Variants in DCLK1 observed in about 807,000 individuals in gnomAD.
The protein encoded by DCLK1 is serine/threonine-protein kinase DCLK1.
A neutral mutation model predicts 86.2 loss-of-function variants in DCLK1; 16 were observed. The observed-to-expected ratio is 0.19, with a 90% CI of 0.13 to 0.28. DCLK1 has a LOEUF of 0.28. Among genes scored for constraint, DCLK1 ranks in the 10% least tolerant of loss-of-function variants. DCLK1 has a pLI of 1.00. For synonymous variants in DCLK1, 369 were observed against 370.5 expected, an observed-to-expected ratio of 1.00 and a Z score of 0.05; for missense variants, 590 against 940.2, an observed-to-expected ratio of 0.63 and a Z score of 4.87.
chr13:36,047,664 A>T (rs1029082282), intron 3 of DCLK1, among the ~76,000 whole-genome samples: 1 of 151,926 alleles, frequency 6.6e-6, no homozygotes, highest in Non-Finnish European at 1.5e-5. Context: ...GAGAGTAGAA[A>T]GGTGGTTACC....
intron 3 of DCLK1, among the ~76,000 whole-genome samples, chr13:36,036,505 C>G (rs1882504021): frequency 6.6e-6 from 1 of 152,128 alleles, no homozygotes; most frequent in Admixed American, 6.6e-5. Context: ...GAATAAATAC[C>G]TTGATGTTCT....
intron 16 of DCLK1, among the ~76,000 whole-genome samples, chr13:35,789,322 G>T (rs1015191272): frequency 6.6e-6 from 1 of 152,180 alleles, no homozygotes; most frequent in Non-Finnish European, 1.5e-5. Context: ...AAAACTGCTT[G>T]GAGGATTTTG....
At chr13:36,077,873 C>T (rs1884266591) in intron 3 of DCLK1, among the ~76,000 whole-genome samples, 1 of 152,170 alleles carries the variant, frequency 6.6e-6, no homozygotes, top group African/African-American at 2.4e-5. Flanking sequence ...GGAGAATGTG[C>T]AATGTCATGA....
chr13:36,085,030 T>C lies in DCLK1; in HGVS notation c.723+26839A>G, dbSNP rs923499387. 3.3e-5 allele frequency among the ~76,000 whole-genome samples: 5 copies of C among 152,324 alleles called. No homozygotes were observed. The South Asian group carries it at 8.3e-4, about 25-fold the overall frequency. ...CCAAAGATAGATTACTAATAACAGATGTTTTAAGTATCCACTTTAGAAAAT... is the reference window on the plus strand; with the variant it reads ...CCAAAGATAGATTACTAATAACAGACGTTTTAAGTATCCACTTTAGAAAAT... On this transcript the variant is annotated intron_variant, in intron 3 of 16. Transcript: ENST00000360631.
At chr13:35,826,464 C>G (rs5025410) in intron 10 of DCLK1, among the ~76,000 whole-genome samples, 115,707 of 139,284 alleles carry the variant, frequency 0.83, 48,829 homozygotes, top group Non-Finnish European at 0.91. Flanking sequence ...CAGAGGTTGC[C>G]GTGAGCCGAG....
intron 6 of DCLK1, among the ~76,000 whole-genome samples, chr13:35,853,655 G>A (rs762146584): frequency 7.9e-5 from 12 of 152,198 alleles, no homozygotes; most frequent in Non-Finnish European, 1.6e-4. Context: ...TTTGAGTGCA[G>A]TAGACTGCAA....
rs191530246 is a variant in DCLK1, at chr13:35,878,257, C to T, written c.824-6917G>A. On this transcript the variant is annotated intron_variant, in intron 4 of 16. Transcript: ENST00000360631. ...TAGAAATGTTATGATTTTCATACTTCGCAGCAGCATTACAGGAAAATCCAC... is the reference window on the plus strand; with the variant it reads ...TAGAAATGTTATGATTTTCATACTTTGCAGCAGCATTACAGGAAAATCCAC... Among the ~76,000 whole-genome samples the T allele has an allele frequency of 6.6e-5, 10 of 152,290 alleles. No individual in the cohort carries two copies. In the East Asian group the frequency reaches 7.7e-4, roughly 12 times the overall value.
At chr13:35,918,539 A>G (rs1875569713) in intron 4 of DCLK1, among the ~76,000 whole-genome samples, 1 of 152,198 alleles carries the variant, frequency 6.6e-6, no homozygotes, top group South Asian at 2.1e-4. Context: ...GAGTGGGATC[A>G]TAAAACCAGC....
At chr13:36,008,685 C>T (rs1055876140) in intron 3 of DCLK1, among the ~76,000 whole-genome samples, 6 of 148,084 alleles carry the variant, frequency 4.1e-5, no homozygotes, top group African/African-American at 1.2e-4. Flanking sequence ...AATAAACATA[C>T]GTGTGCATGT....
intron 3 of DCLK1, among the ~76,000 whole-genome samples, chr13:36,055,838 G>C (rs185094560): frequency 1.4e-3 from 216 of 152,018 alleles, no homozygotes; most frequent in African/African-American, 5.0e-3. Context: ...AATATAAAAA[G>C]GCATAAACTT....
At chr13:36,005,708 G>T (rs1880918952) in intron 3 of DCLK1, among the ~76,000 whole-genome samples, 1 of 152,142 alleles carries the variant, frequency 6.6e-6, no homozygotes, top group Non-Finnish European at 1.5e-5. Flanking sequence ...GCTGGAGTTG[G>T]TAAAGAAAGT....
intron 11 of DCLK1, among the ~76,000 whole-genome samples, chr13:35,818,225 G>A (rs1331184918): frequency 6.6e-6 from 1 of 152,108 alleles, no homozygotes; most frequent in Non-Finnish European, 1.5e-5. Flanking sequence ...GTCCACCAGT[G>A]CAGTTAGCTA....
At chr13:35,985,241 C>A (rs867934266) in intron 3 of DCLK1, among the ~76,000 whole-genome samples, 15 of 152,278 alleles carry the variant, frequency 9.9e-5, no homozygotes, top group Middle Eastern at 3.4e-3. Flanking sequence ...AGCCAATAAG[C>A]CCATTCTCCC....
At chr13:35,979,884 A>G (rs920358635) in intron 3 of DCLK1, among the ~76,000 whole-genome samples, 6 of 152,198 alleles carry the variant, frequency 3.9e-5, no homozygotes, top group African/African-American at 1.2e-4. Context: ...ACCTGAGCAC[A>G]CTGGCTCTTC....
chr13:35,978,282 T>G (rs746035368), intron 3 of DCLK1, among the ~76,000 whole-genome samples: 1 of 149,896 alleles, frequency 6.7e-6, no homozygotes, highest in Non-Finnish European at 1.5e-5. Context: ...CTCGGCTCAT[T>G]GCAACCTCTG....
At chr13:35,997,572 G>T (rs975114312) in intron 3 of DCLK1, among the ~76,000 whole-genome samples, 1 of 152,222 alleles carries the variant, frequency 6.6e-6, no homozygotes, top group African/African-American at 2.4e-5. Context: ...ATGAGGTGGT[G>T]TTGGCCTGAT....
chr13:35,867,872 AG>A (rs1871914189), intron 5 of DCLK1, among the ~76,000 whole-genome samples: 1 of 127,846 alleles, frequency 7.8e-6, no homozygotes, highest in Non-Finnish European at 1.7e-5. Flanking sequence ...AGAAAGAAAG[AG>A]AGAGGGAGAG....
intron 1 of DCLK1, 110 bp from the exon 2 acceptor site, chr13:36,126,266 C>T: frequency 6.4e-6 from 6 of 932,072 alleles, no homozygotes; most frequent in Non-Finnish European, 8.6e-6. Flanking sequence ...CCTGCTCTGT[C>T]ACCGGGCTGC....
intron 2 of DCLK1, among the ~76,000 whole-genome samples, chr13:36,122,139 T>A (rs1593910594): frequency 6.6e-6 from 1 of 152,014 alleles, no homozygotes; most frequent in Admixed American, 6.6e-5. Context: ...TATTAGGGAA[T>A]AGGAAAAGAT....
Sources: allele counts gnomAD v4.1 joint callset (sites outside exome capture counted in the v4.1 genomes callset), GRCh38; gene constraint gnomAD v4.1.1; transcripts MANE v1.5; gene names NCBI Gene and HGNC (gene_info 2026-07-23, HGNC 2026-07-21).